Variants in ZBTB16 observed in about 807,000 individuals in gnomAD.
ZBTB16 encodes zinc finger and BTB domain containing 16, also known as zinc finger and BTB domain-containing protein 16.
A neutral mutation model predicts 56.8 loss-of-function variants in ZBTB16; 8 were observed. That is an observed-to-expected ratio of 0.14 (90% CI 0.08 to 0.25). The LOEUF (loss-of-function observed/expected upper bound fraction) is 0.25, where lower values mean the gene tolerates loss of function less well. ZBTB16 is among the 10% of genes least tolerant of loss of function. The pLI, the probability that ZBTB16 is intolerant of heterozygous loss-of-function variation, is 1.00. For synonymous variants in ZBTB16, 363 were observed against 368.5 expected, an observed-to-expected ratio of 0.98 and a Z score of 0.17; for missense variants, 625 against 903.0, an observed-to-expected ratio of 0.69 and a Z score of 3.95.
Position 114,063,875 on chromosome 11 carries a change from G to A in ZBTB16, c.575G>A (p.Gly192Asp). Residue 192 changes from glycine to aspartate, a missense_variant, in exon 2 of 7, where the codon GGT becomes GAT. Around this residue, in one of 6 missense-constraint regions of ZBTB16, gnomAD observed 384 missense variants for 393.5 expected, o/e 0.98. Coordinates refer to ENST00000335953, the MANE Select transcript of ZBTB16 (RefSeq NM_006006.6). This position sits in a 1 kb window ranked among gnomAD's most constrained non-coding sequence, Gnocchi z 6.5. The stretch of plus-strand genomic sequence containing the variant: ...AGCCCTTCAGTCTCCACTTCATTTG[G>A]TCTTTCAGCCATGAGTCCCACCAAG... ...DQSPSVSTSF[G>D]LSAMSPTKAA... The A allele has an allele frequency of 6.2e-7, 1 of 1,614,106 alleles. No homozygotes were observed. Among genetic ancestry groups the A allele is most frequent in the Non-Finnish European group, 8.5e-7 (1 of 1,180,038 alleles).
At chr11:114,142,244 C>T (rs1181610292) in intron 2 of ZBTB16, among the ~76,000 whole-genome samples, 2 of 152,196 alleles carry the variant, frequency 1.3e-5, no homozygotes, top group Non-Finnish European at 2.9e-5. Flanking sequence ...GGGGCTGCAG[C>T]CGACAACCTT....
intron 2 of ZBTB16, among the ~76,000 whole-genome samples, chr11:114,129,335 G>A (rs951580832): frequency 1.3e-5 from 2 of 152,244 alleles, no homozygotes; most frequent in African/African-American, 2.4e-5. Flanking sequence ...CGCAGCCACC[G>A]GAGCCGGCAG....
chr11:114,082,307 G>A (rs868100673), intron 2 of ZBTB16, among the ~76,000 whole-genome samples: 3 of 151,914 alleles, frequency 2.0e-5, no homozygotes, highest in African/African-American at 7.3e-5. Flanking sequence ...AACAACAACA[G>A]CAACACACAC....
intron 2 of ZBTB16, among the ~76,000 whole-genome samples, chr11:114,065,875 A>G (rs1452107812): frequency 2.6e-5 from 4 of 152,148 alleles, no homozygotes; most frequent in African/African-American, 9.7e-5. Context: ...GAAGAGGATC[A>G]TGTCTATGGA....
intron 2 of ZBTB16, among the ~76,000 whole-genome samples, chr11:114,111,131 A>T (rs1229776098): frequency 6.7e-6 from 1 of 149,972 alleles, no homozygotes; most frequent in Non-Finnish European, 1.5e-5. Context: ...GACGTGATGT[A>T]CTTTTGGCTT....
In ZBTB16 at chr11:114,167,238, T is replaced by TTG. The variant is rs1565663197; in HGVS notation, c.1366+10805_1366+10806insGT. 2.7e-4 allele frequency among the ~76,000 whole-genome samples: 37 copies of TTG among 135,634 alleles called. 1 individual carries two copies. The highest frequency in any genetic ancestry group is 6.4e-4 in the East Asian group (3 of 4,652). The allele number at this position is 135,634 out of a possible 152,430, so 89.0% of individuals were successfully genotyped here. On this transcript the variant is annotated intron_variant, in intron 3 of 6. Coordinates refer to ENST00000335953, the MANE Select transcript of ZBTB16 (RefSeq NM_006006.6). ...GTGGTTTTTTTTTTTTTTGGTTTTT[T>TTG]TTTTTTTTTTTTTTTGACAAGCTTG...
intron 2 of ZBTB16, among the ~76,000 whole-genome samples, chr11:114,148,865 T>G (rs1382429891): frequency 5.0e-5 from 1 of 19,820 alleles, no homozygotes; most frequent in Non-Finnish European, 2.1e-4. Flanking sequence ...TTTTTACTGG[T>G]GTGTGTGTGT....
rs143267898 is a variant in ZBTB16, at chr11:114,121,350, C to T, written c.1269-34987C>T. 7.6e-3 allele frequency among the ~76,000 whole-genome samples: 1,161 copies of T among 152,252 alleles called. 16 individuals carry two copies. Among genetic ancestry groups the T allele is most frequent in the African/African-American group, 0.025 (1,026 of 41,524 alleles). On this transcript the variant is annotated intron_variant, in intron 2 of 6. Coordinates refer to ENST00000335953, the MANE Select transcript of ZBTB16 (RefSeq NM_006006.6). ...TGGCTTCTGAACGCAAGTGTGGAAG[C>T]GCTAGGAGTCCTAGTTGCTAGGCTC...
chr11:114,124,609 C>G (rs1488869630), intron 2 of ZBTB16, among the ~76,000 whole-genome samples: 1 of 151,880 alleles, frequency 6.6e-6, no homozygotes, highest in African/African-American at 2.4e-5. Flanking sequence ...GAACATTAAC[C>G]CTTTGGGTCC....
intron 3 of ZBTB16, among the ~76,000 whole-genome samples, chr11:114,185,528 C>T (rs753156743): frequency 2.6e-5 from 4 of 152,128 alleles, no homozygotes; most frequent in Non-Finnish European, 5.9e-5. Context: ...CATTGGGAGG[C>T]GTTGTATCTT....
chr11:114,133,170 G>A (rs2134867435), intron 2 of ZBTB16, among the ~76,000 whole-genome samples: 1 of 151,990 alleles, frequency 6.6e-6, no homozygotes, highest in East Asian at 2.0e-4. Context: ...ATTGACTGGT[G>A]TCCTGCCTCG....
chr11:114,191,736 C>G (rs1323832330), intron 4 of ZBTB16, among the ~76,000 whole-genome samples: 1 of 152,164 alleles, frequency 6.6e-6, no homozygotes, highest in Non-Finnish European at 1.5e-5. Context: ...AGAACATATC[C>G]TTATCACTAA....
intron 4 of ZBTB16, among the ~76,000 whole-genome samples, chr11:114,219,293 A>G (rs1034496978): frequency 1.3e-5 from 2 of 152,182 alleles, no homozygotes; most frequent in Non-Finnish European, 2.9e-5. Context: ...GCCCCAACCA[A>G]CCAACCAACA....
intron 2 of ZBTB16, among the ~76,000 whole-genome samples, chr11:114,142,735 A>G (rs1941987431): frequency 6.6e-6 from 1 of 150,642 alleles, no homozygotes; most frequent in African/African-American, 2.4e-5. Context: ...GGATGTAGGG[A>G]GGATGGAGGA....
rs868069062 is a variant in ZBTB16, at chr11:114,176,025, A to G, written c.1367-10927A>G. ...TGCGTGCGTGTGTGTGTGTGTGTGTATGTGTGAAATCCTCCATGCCATATT... is the reference window on the plus strand; with the variant it reads ...TGCGTGCGTGTGTGTGTGTGTGTGTGTGTGTGAAATCCTCCATGCCATATT... On this transcript the variant is annotated intron_variant, in intron 3 of 6. Transcript: ENST00000335953. Among the ~76,000 whole-genome samples the G allele has an allele frequency of 7.8e-4, 112 of 143,322 alleles. 2 individuals carry two copies. The Middle Eastern group carries it at 0.021, about 27-fold the overall frequency. The allele number at this position is 143,322 out of a possible 152,430, so 94.0% of individuals were successfully genotyped here. A position where few individuals can be genotyped will look rare whatever the true frequency, so the allele number is the denominator to read the frequency against.
Position 114,143,949 on chromosome 11 carries a change from T to C in ZBTB16, c.1269-12388T>C, listed in dbSNP as rs1452126719. Among the ~76,000 whole-genome samples, 1 of 152,194 alleles carries C rather than the reference T, an allele frequency of 6.6e-6. No homozygotes were observed. The highest frequency in any genetic ancestry group is 1.5e-5 in the Non-Finnish European group (1 of 68,028). ...CGAGTCACTGGTATTATGCATTTCC[T>C]GTGTGCTCGGGAGCCTTGCGTGTAA... On this transcript the variant is annotated intron_variant, in intron 2 of 6. Coordinates refer to ENST00000335953, the MANE Select transcript of ZBTB16 (RefSeq NM_006006.6). This position sits in a 1 kb window ranked among gnomAD's most constrained non-coding sequence, Gnocchi z 6.4.
chr11:114,209,689 A>T, intron 4 of ZBTB16: 1 of 985,448 alleles, frequency 1.0e-6, no homozygotes, highest in Non-Finnish European at 1.2e-6. Context: ...TGGTCAGAGC[A>T]GGAGGCAAGG....
At chr11:114,078,054 AGGACCCTCTTTTAG>A (rs1000890603) in intron 2 of ZBTB16, among the ~76,000 whole-genome samples, 4 of 152,204 alleles carry the variant, frequency 2.6e-5, no homozygotes, top group African/African-American at 9.6e-5. Flanking sequence ...GTGGGGAGCC[AGGACCCTCTTTTAG>A]TGGGCTGGAG....
At chr11:114,233,227 A>G (rs1015877804) in intron 4 of ZBTB16, among the ~76,000 whole-genome samples, 3 of 151,894 alleles carry the variant, frequency 2.0e-5, no homozygotes, top group Non-Finnish European at 4.4e-5. Context: ...CTGGACTGGA[A>G]ACCAAGAAGA....
Sources: gnomAD v4.1 joint callset for allele counts (sites outside exome capture counted in the v4.1 genomes callset) on GRCh38, gnomAD v4.1.1 for gene constraint, gnomAD v4.1.1 regional missense constraint, Gnocchi (gnomAD v3.1) non-coding constraint, MANE v1.5 for transcripts, NCBI Gene and HGNC (gene_info 2026-07-23, HGNC 2026-07-21) for gene names.